PDE4B: variants seen among roughly 807,000 people sequenced by gnomAD.
The protein encoded by PDE4B is phosphodiesterase 4B.
In PDE4B, 20 loss-of-function variants were observed where a neutral mutation model predicts 82.2. The observed-to-expected ratio is 0.24, with a 90% confidence interval of 0.17 to 0.35. The LOEUF (loss-of-function observed/expected upper bound fraction) is 0.35. PDE4B is among the 10% of genes least tolerant of loss of function. The pLI is 1.00. For missense variants in PDE4B, 655 were observed against 907.2 expected, an observed-to-expected ratio of 0.72 and a Z score of 3.57; for synonymous variants, 320 against 318.9, an observed-to-expected ratio of 1.00 and a Z score of -0.04.
chr1:66,262,032 A>G (rs954654377), intron 6 of PDE4B, among the ~76,000 whole-genome samples: 2 of 152,230 alleles, frequency 1.3e-5, no homozygotes, highest in Non-Finnish European at 2.9e-5. Flanking sequence ...ACCTGTGGCT[A>G]TCAGGAAATA....
chr1:66,120,803 C>T (rs1645693100), intron 3 of PDE4B, among the ~76,000 whole-genome samples: 1 of 152,160 alleles, frequency 6.6e-6, no homozygotes, highest in Non-Finnish European at 1.5e-5. Context: ...AATGCTATCT[C>T]CATGGGTCCC....
intron 3 of PDE4B, among the ~76,000 whole-genome samples, chr1:66,059,309 C>A (rs1231671741): frequency 6.6e-6 from 1 of 152,170 alleles, no homozygotes; most frequent in Non-Finnish European, 1.5e-5. Context: ...ATTTTCTTGT[C>A]TTCTTCTGAG....
chr1:66,156,821 A>G (rs1238194451), intron 3 of PDE4B, among the ~76,000 whole-genome samples: 1 of 152,166 alleles, frequency 6.6e-6, no homozygotes, highest in Admixed American at 6.5e-5. Flanking sequence ...ACTTGGCTTC[A>G]GACACAGTAT....
intron 1 of PDE4B, among the ~76,000 whole-genome samples, chr1:65,858,345 G>T (rs1646416200): frequency 2.0e-5 from 3 of 152,290 alleles, no homozygotes; most frequent in African/African-American, 4.8e-5. Context: ...TTATTCACAT[G>T]AAGCTGATCT....
rs374190506 is a variant in PDE4B at position 66,204,015 on chromosome 1, A to G, written c.282-43445A>G. Among the ~76,000 whole-genome samples, 8 of 152,142 alleles carry G rather than the reference A, an allele frequency of 5.3e-5. No individual in the cohort carries two copies. The East Asian group carries it at 1.5e-3, about 29-fold the overall frequency. ...GGTCTTTGATGATGGTGACGTACAGATGGGTTTTTAGTGTGGATGTCCTTT... is the reference window on the plus strand; with the variant it reads ...GGTCTTTGATGATGGTGACGTACAGGTGGGTTTTTAGTGTGGATGTCCTTT... On this transcript the variant is annotated intron_variant, in intron 3 of 16. Coordinates refer to ENST00000341517, the MANE Select transcript of PDE4B (RefSeq NM_002600.4).
At chr1:66,354,975 A>G in intron 8 of PDE4B, 5 of 1,248,194 alleles carry the variant, frequency 4.0e-6, no homozygotes, top group Non-Finnish European at 5.6e-6. Flanking sequence ...AGTACAGGAC[A>G]TCTGTAATAA....
chr1:66,072,111 C>T (rs748217418), intron 3 of PDE4B, among the ~76,000 whole-genome samples: 8 of 152,030 alleles, frequency 5.3e-5, no homozygotes, highest in East Asian at 1.9e-4. Context: ...ACACATAAAC[C>T]GCTCACTATG....
chr1:66,058,016 C>G (rs896133860), intron 3 of PDE4B, among the ~76,000 whole-genome samples: 2 of 152,176 alleles, frequency 1.3e-5, no homozygotes, highest in African/African-American at 4.8e-5. Context: ...GCCTATAAGC[C>G]TGTAAAATCA....
intron 3 of PDE4B, among the ~76,000 whole-genome samples, chr1:66,101,159 A>G (rs1645215632): frequency 6.6e-6 from 1 of 151,902 alleles, no homozygotes; most frequent in Admixed American, 6.6e-5. Context: ...AAGGACATAA[A>G]CTCAACCTTT....
At chr1:65,973,689 G>A (rs1264088259) in intron 3 of PDE4B, among the ~76,000 whole-genome samples, 3 of 152,112 alleles carry the variant, frequency 2.0e-5, no homozygotes, top group Non-Finnish European at 4.4e-5. Flanking sequence ...CTCTTTAAAG[G>A]ACTTTGATAC....
At chr1:66,039,485 A>G (rs1196345720) in intron 3 of PDE4B, among the ~76,000 whole-genome samples, 2 of 152,022 alleles carry the variant, frequency 1.3e-5, no homozygotes, top group African/African-American at 2.4e-5. Context: ...GTGTTTTCCC[A>G]TTCTTAGTGG....
Position 66,074,686 on chromosome 1 carries a change from C to A in PDE4B, c.281+155851C>A, listed in dbSNP as rs115888406. Among the ~76,000 whole-genome samples, 29 of 95,576 alleles carry A rather than the reference C, an allele frequency of 3.0e-4. 1 individual carries two copies. Among genetic ancestry groups the A allele is most frequent in the African/African-American group, 1.2e-3 (28 of 24,186 alleles). The allele number at this position is 95,576 out of a possible 152,430, so 62.7% of individuals were successfully genotyped here. ...GCACTAATCTGCTTTCTATTTCTCT[C>A]TATATGAATTTGCTTAAGTTGTTGT... On this transcript the variant is annotated intron_variant, in intron 3 of 16. Transcript: ENST00000341517.
At chr1:65,909,561 A>G (rs114878747) in intron 1 of PDE4B, among the ~76,000 whole-genome samples, 1 of 152,322 alleles carries the variant, frequency 6.6e-6, no homozygotes, top group Non-Finnish European at 1.5e-5. Context: ...GAACGTTATG[A>G]AGGACTAATA....
intron 3 of PDE4B, among the ~76,000 whole-genome samples, chr1:66,153,991 C>T (rs1646453562): frequency 6.6e-6 from 1 of 152,162 alleles, no homozygotes; most frequent in Admixed American, 6.6e-5. Flanking sequence ...CTAAATGCAC[C>T]TGGGAGGAAT....
chr1:66,251,789 A>T (rs989325062), intron 4 of PDE4B, among the ~76,000 whole-genome samples: 1 of 152,124 alleles, frequency 6.6e-6, no homozygotes, highest in Non-Finnish European at 1.5e-5. Flanking sequence ...GATCCAGAGG[A>T]TATGAGAGGA....
At chr1:65,867,682 A>T (rs1315142961) in intron 1 of PDE4B, among the ~76,000 whole-genome samples, 1 of 152,222 alleles carries the variant, frequency 6.6e-6, no homozygotes, top group African/African-American at 2.4e-5. Context: ...GAAGCACTAG[A>T]CTATACTATA....
intron 3 of PDE4B, among the ~76,000 whole-genome samples, chr1:66,164,561 AAGAAAG>A (rs1646685355): frequency 5.2e-5 from 7 of 134,400 alleles, no homozygotes; most frequent in Non-Finnish European, 9.4e-5. Flanking sequence ...AAAAAAAAAA[AAGAAAG>A]AAAGAAAGAA....
chr1:66,370,150 CAA>C (rs752920376), intron 16 of PDE4B, among the ~76,000 whole-genome samples: 834 of 28,620 alleles, frequency 0.029, 13 homozygotes, highest in African/African-American at 0.071. Context: ...GACTCTATCT[CAA>C]AAAAAAAAAA....
chr1:66,237,717 C>A (rs1652568902), intron 3 of PDE4B, among the ~76,000 whole-genome samples: 1 of 152,172 alleles, frequency 6.6e-6, no homozygotes, highest in African/African-American at 2.4e-5. Context: ...AATAAATATC[C>A]TTTCTCTGAG....
Sources: gnomAD v4.1 joint callset for allele counts (sites outside exome capture counted in the v4.1 genomes callset) on GRCh38, gnomAD v4.1.1 for gene constraint, MANE v1.5 for transcripts, NCBI Gene and HGNC (gene_info 2026-07-23, HGNC 2026-07-21) for gene names.